Variants in CDYL2 observed in about 807,000 individuals in gnomAD.
CDYL2 encodes chromodomain Y like 2, also known as chromodomain Y-like protein 2.
Under a neutral mutation model 49.4 loss-of-function variants are expected in CDYL2, and 23 were observed. That is an observed-to-expected ratio of 0.47 (90% CI 0.34 to 0.66). The LOEUF is 0.66. Ranked by LOEUF, CDYL2 falls within the 30% of genes least tolerant of loss-of-function variation. The pLI, the probability that CDYL2 is intolerant of heterozygous loss-of-function variation, is 0.01. For synonymous variants in CDYL2, 360 were observed against 268.8 expected, an observed-to-expected ratio of 1.34 and a Z score of -3.32; for missense variants, 678 against 656.4, an observed-to-expected ratio of 1.03 and a Z score of -0.36.
chr16:80,763,298 T>C (rs191226279), intron 1 of CDYL2, among the ~76,000 whole-genome samples: 4 of 151,424 alleles, frequency 2.6e-5, no homozygotes, highest in Admixed American at 6.6e-5. Flanking sequence ...ATCCCCATTA[T>C]CTCCAACAAA....
intron 2 of CDYL2, among the ~76,000 whole-genome samples, chr16:80,637,704 T>A (rs1228439100): frequency 1.3e-5 from 2 of 152,296 alleles, no homozygotes; most frequent in East Asian, 3.9e-4. Flanking sequence ...GGAGAGATTA[T>A]ACTTAACAAT....
chr16:80,773,524 C>T (rs974472584), intron 1 of CDYL2, among the ~76,000 whole-genome samples: 1 of 152,076 alleles, frequency 6.6e-6, no homozygotes, highest in South Asian at 2.1e-4. Context: ...CCAACAGCTG[C>T]ATGCATGAAA....
chr16:80,801,946 G>A (rs1030974925), intron 1 of CDYL2, among the ~76,000 whole-genome samples: 3 of 152,120 alleles, frequency 2.0e-5, no homozygotes, highest in African/African-American at 7.2e-5. Flanking sequence ...AGCCCTTTTA[G>A]TAATGACTAT....
At chr16:80,732,408 C>T (rs1305239091) in intron 1 of CDYL2, among the ~76,000 whole-genome samples, 1 of 152,016 alleles carries the variant, frequency 6.6e-6, no homozygotes. Context: ...AAAGAGCCTT[C>T]TGATTGCCAC....
intron 1 of CDYL2, among the ~76,000 whole-genome samples, chr16:80,726,293 T>A (rs1375212308): frequency 6.6e-6 from 1 of 152,222 alleles, no homozygotes; most frequent in East Asian, 1.9e-4. Flanking sequence ...GAAGCATTTG[T>A]TTTTAAAACC....
chr16:80,759,102 C>CTATATATATATATA lies in CDYL2; in HGVS notation c.24+45034_24+45047dup, dbSNP rs59240300. The stretch of plus-strand genomic sequence containing the variant: ...AAATGTAATATCTACAAACCATATA[C>CTATATATATATATA]TATATATATATATATATATATATAT... On this transcript the variant is annotated intron_variant, in intron 1 of 6. Transcript: ENST00000570137. Among the ~76,000 whole-genome samples, 178 of 63,338 alleles carry CTATATATATATATA rather than the reference C, an allele frequency of 2.8e-3. 2 individuals are homozygous for CTATATATATATATA. The highest frequency in any genetic ancestry group is 5.5e-3 in the African/African-American group (72 of 12,984). 41.6% of individuals were successfully genotyped at this position (63,338 alleles called of 152,430 possible). A position where few individuals can be genotyped will look rare whatever the true frequency, so the allele number is the denominator to read the frequency against.
At chr16:80,681,926 T>A (rs2142470216) in intron 2 of CDYL2, among the ~76,000 whole-genome samples, 1 of 152,166 alleles carries the variant, frequency 6.6e-6, no homozygotes, top group East Asian at 1.9e-4. Context: ...TAAAAAAAAA[T>A]CAGTATTGAA....
At chr16:80,786,688 A>G (rs908319276) in intron 1 of CDYL2, among the ~76,000 whole-genome samples, 1 of 152,210 alleles carries the variant, frequency 6.6e-6, no homozygotes, top group African/African-American at 2.4e-5. Context: ...CATCAATGAT[A>G]GACTGGATTA....
At chr16:80,723,700 C>T (rs189312400) in intron 1 of CDYL2, among the ~76,000 whole-genome samples, 149 of 152,318 alleles carry the variant, frequency 9.8e-4, no homozygotes, top group Non-Finnish European at 1.8e-3. Context: ...CTGTGCCATT[C>T]GTTTACATAC....
At chr16:80,715,519 T>G (rs1394570767) in intron 1 of CDYL2, among the ~76,000 whole-genome samples, 2 of 152,182 alleles carry the variant, frequency 1.3e-5, no homozygotes, top group African/African-American at 4.8e-5. Flanking sequence ...GGCACTGCCC[T>G]GCTGTGGGAC....
intron 2 of CDYL2, among the ~76,000 whole-genome samples, chr16:80,647,449 A>G (rs1908400668): frequency 6.6e-6 from 1 of 152,170 alleles, no homozygotes; most frequent in African/African-American, 2.4e-5. Context: ...CCTGACTTCA[A>G]ATTACATTAC....
chr16:80,695,785 A>C (rs1207908640), intron 1 of CDYL2, among the ~76,000 whole-genome samples: 1 of 152,194 alleles, frequency 6.6e-6, no homozygotes, highest in East Asian at 1.9e-4. Context: ...AAGGAGGGAA[A>C]GACCTCAATA....
chr16:80,623,901 G>A (rs916372786), intron 3 of CDYL2, among the ~76,000 whole-genome samples: 5 of 152,168 alleles, frequency 3.3e-5, no homozygotes, highest in Non-Finnish European at 4.4e-5. Flanking sequence ...TGAGCTCTGT[G>A]ATGCCCAGGG....
chr16:80,650,981 CG>C (rs1229070817), intron 2 of CDYL2, among the ~76,000 whole-genome samples: 1 of 101,100 alleles, frequency 9.9e-6, no homozygotes, highest in Non-Finnish European at 1.9e-5. Flanking sequence ...GGGCGGGGGG[CG>C]GGGGAGATGA....
At position 80,617,575 on chromosome 16, in the gene CDYL2, G is replaced by A. The variant is rs537142524; in HGVS notation, c.1007+3188C>T. Among the ~76,000 whole-genome samples, 6 of 152,262 alleles carry A rather than the reference G, an allele frequency of 3.9e-5. No individual in the cohort carries two copies. In the East Asian group the frequency reaches 9.7e-4, roughly 25 times the overall value. On this transcript the variant is annotated intron_variant, in intron 4 of 6. Coordinates refer to ENST00000570137, the MANE Select transcript of CDYL2 (RefSeq NM_152342.4). ...CTTGTGTCCCCAACTCCAGAGTGTG[G>A]CCTCCAAGGCAGCACTCCCGAGTTG...
chr16:80,771,831 T>C (rs1282972834), intron 1 of CDYL2, among the ~76,000 whole-genome samples: 3 of 151,972 alleles, frequency 2.0e-5, no homozygotes, highest in African/African-American at 4.8e-5. Flanking sequence ...TAAGACAAAC[T>C]AGACACTAGA....
chr16:80,664,697 C>T (rs1402610307), intron 2 of CDYL2, among the ~76,000 whole-genome samples: 1 of 152,098 alleles, frequency 6.6e-6, no homozygotes, highest in Non-Finnish European at 1.5e-5. Flanking sequence ...CCTCAAGAAG[C>T]AGAAAAGGAG....
At chr16:80,795,166 T>A (rs1907732786) in intron 1 of CDYL2, among the ~76,000 whole-genome samples, 1 of 152,098 alleles carries the variant, frequency 6.6e-6, no homozygotes, top group Non-Finnish European at 1.5e-5. Flanking sequence ...GATCAAGAAT[T>A]TGAGGGGAGG....
In CDYL2 at chr16:80,606,896, G is replaced by A. The variant is rs143484452; in HGVS notation, c.1362+1196C>T. ...ATGTAAGACATGCCTTTGGCCTTCC[G>A]CCATGATTGTGAGGCCTCCCCAGCC... On this transcript the variant is annotated intron_variant, in intron 6 of 6. Transcript: ENST00000570137. 2.7e-3 allele frequency among the ~76,000 whole-genome samples: 411 copies of A among 152,234 alleles called. 4 individuals carry two copies. The highest frequency in any genetic ancestry group is 9.5e-3 in the African/African-American group (396 of 41,546).
Sources: allele counts gnomAD v4.1 joint callset (sites outside exome capture counted in the v4.1 genomes callset), GRCh38; gene constraint gnomAD v4.1.1; transcripts MANE v1.5; gene names NCBI Gene and HGNC (gene_info 2026-07-23, HGNC 2026-07-21).